ROS1: variants seen among roughly 807,000 people sequenced by gnomAD.
ROS1 encodes the protein ROS proto-oncogene 1, receptor tyrosine kinase.
In ROS1, 263 loss-of-function variants were observed where a neutral mutation model predicts 273.5. That is an observed-to-expected ratio of 0.96 (90% CI 0.87 to 1.06). ROS1 has a LOEUF of 1.06. ROS1 is among the 50% of genes least tolerant of loss of function. ROS1 has a pLI of 0.00. For synonymous variants in ROS1, 1,008 were observed against 954.1 expected (o/e 1.06, Z -1.04); for missense variants, 2,833 against 2,751.1 (o/e 1.03, Z -0.67).
intron 39 of ROS1, among the ~76,000 whole-genome samples, chr6:117,312,769 G>T (rs935918333): frequency 1.3e-5 from 2 of 152,096 alleles, no homozygotes; most frequent in African/African-American, 2.4e-5. Flanking sequence ...GACTCTAGAT[G>T]CTACTCTGGA....
At chr6:117,405,893 A>G (rs7770814) in intron 5 of ROS1, among the ~76,000 whole-genome samples, 72,272 of 152,032 alleles carry the variant, frequency 0.48, 18,440 homozygotes, top group African/African-American at 0.65. Context: ...TCTCACCTGT[A>G]AAATGAGGTT....
chr6:117,380,743 A>G (rs1049746742), intron 17 of ROS1, among the ~76,000 whole-genome samples: 21 of 152,072 alleles, frequency 1.4e-4, no homozygotes, highest in Non-Finnish European at 2.4e-4. Flanking sequence ...GGTACTCCAT[A>G]CCTTTTATAT....
chr6:117,383,631 A>G (rs1007806340), intron 16 of ROS1, 123 bp from the exon 17 acceptor site: 4 of 777,006 alleles, frequency 5.1e-6, no homozygotes, highest in Non-Finnish European at 8.6e-6. Context: ...ACAAATAGTG[A>G]TTGGCACTAT....
At chr6:117,405,049 T>G (rs1257132936) in intron 5 of ROS1, among the ~76,000 whole-genome samples, 2 of 152,206 alleles carry the variant, frequency 1.3e-5, no homozygotes, top group Non-Finnish European at 2.9e-5. Flanking sequence ...TTCTGAATGG[T>G]ATGTCACTGG....
At chr6:117,352,237 C>G (rs533605558) in intron 27 of ROS1, among the ~76,000 whole-genome samples, 39 of 152,268 alleles carry the variant, frequency 2.6e-4, no homozygotes, top group African/African-American at 8.4e-4. Context: ...CCTGCCACTA[C>G]GCTGGGCTAA....
rs756698985 is a variant in ROS1, at chr6:117,344,120, C to G, written c.4446G>C (p.Leu1482=). 1.2e-5 allele frequency: 20 copies of G among 1,613,736 alleles called. No individual in the cohort carries two copies. In the African/African-American group the frequency reaches 1.6e-4, roughly 13 times the overall value. Residue 1482 remains leucine (L), a synonymous_variant, in exon 28 of 44, where the codon CTG becomes CTC. Coordinates refer to ENST00000368507, the MANE Select transcript of ROS1 (RefSeq NM_001378902.1). ...YGITSPTPTY[L]VYYAEVNDRK... ...TGTCATTAACTTCTGCATAATAAACCAGGTATGTTGGAGTAGGGCTGGTGA... is the reference window on the plus strand; with the variant it reads ...TGTCATTAACTTCTGCATAATAAACGAGGTATGTTGGAGTAGGGCTGGTGA...
At chr6:117,397,162 A>G (rs1028416613) in intron 7 of ROS1, 46 bp from the exon 8 acceptor site, 1 of 1,252,584 alleles carries the variant, frequency 8.0e-7, no homozygotes, top group African/African-American at 1.5e-5. Context: ...ATGTGCAAGC[A>G]TGATGTTTTT....
At chr6:117,326,089 GATTATAT>G (rs1416672208) in intron 34 of ROS1, 128 bp downstream of exon 34, 4,700 of 166,532 alleles carry the variant, frequency 0.028, 63 homozygotes, top group African/African-American at 0.067. Context: ...TGGATAATAA[GATTATAT>G]ATATATATAT....
chr6:117,387,031 T>G (rs1251965935), intron 14 of ROS1, 32 bp from the exon 15 acceptor site: 15 of 1,277,050 alleles, frequency 1.2e-5, no homozygotes, highest in Non-Finnish European at 1.7e-5. Flanking sequence ...AAAAGAAACA[T>G]CAGGGAAAGC....
intron 24 of ROS1, 72 bp from the exon 25 acceptor site, chr6:117,358,081 A>G: frequency 9.9e-7 from 1 of 1,006,278 alleles, no homozygotes; most frequent in Non-Finnish European, 1.5e-6. Flanking sequence ...TTCTATATTC[A>G]CCCATATCAT....
Position 117,404,185 on chromosome 6 carries a change from C to T in ROS1, c.465+95G>A, listed in dbSNP as rs548127334. 1,598 of 1,149,200 alleles carry T rather than the reference C, an allele frequency of 1.4e-3. 3 individuals carry two copies. Among genetic ancestry groups the T allele is most frequent in the Non-Finnish European group, 1.8e-3 (1,395 of 786,026 alleles). The allele number at this position is 1,149,200 out of a possible 1,614,324, so 71.2% of individuals were successfully genotyped here. On this transcript the variant is annotated intron_variant, in intron 6 of 43. Coordinates refer to ENST00000368507, the MANE Select transcript of ROS1 (RefSeq NM_001378902.1). Reference sequence around the variant, plus strand: ...GCAGTAAGCTGAGATCGCGCCACTGCACTCCAGCCTGGGCGACAGAGCGAG... The same window carrying T: ...GCAGTAAGCTGAGATCGCGCCACTGTACTCCAGCCTGGGCGACAGAGCGAG...
rs2128537387 is a variant in ROS1 at position 117,301,150 on chromosome 6, G to A, written c.6552-13C>T. 6.4e-7 allele frequency: 1 copy of A among 1,562,802 alleles called. No homozygotes were observed. Among genetic ancestry groups the A allele is most frequent in the South Asian group, 1.3e-5 (1 of 78,534 alleles). Reference sequence around the variant, plus strand: ...CATTAAATTCCACCTAAATATATGGGGAAAGATGGGAAAGTAAATAGCAAT... The same window carrying A: ...CATTAAATTCCACCTAAATATATGGAGAAAGATGGGAAAGTAAATAGCAAT... On this transcript the variant is annotated splice_polypyrimidine_tract_variant and intron_variant, in intron 42 of 43. Coordinates refer to ENST00000368507, the MANE Select transcript of ROS1 (RefSeq NM_001378902.1).
At position 117,310,300 on chromosome 6, in the gene ROS1, T is replaced by TTAA. The variant is rs2243387; in HGVS notation, c.6216-22_6216-20dup. 246,417 of 1,426,668 alleles carry TTAA rather than the reference T, an allele frequency of 0.17. 23,455 individuals are homozygous for TTAA. Among genetic ancestry groups the TTAA allele is most frequent in the East Asian group, 0.36 (14,772 of 40,950 alleles). 88.4% of individuals were successfully genotyped at this position (1,426,668 alleles called of 1,614,324 possible). ...CAGATCCCTGTGGCAGAAGTTATAT[T>TTAA]TAATAATAATAATAATAACAACAAT... On this transcript the variant is annotated intron_variant, in intron 40 of 43. Coordinates refer to ENST00000368507, the MANE Select transcript of ROS1 (RefSeq NM_001378902.1).
At chr6:117,394,547 T>C (rs1485482158) in intron 10 of ROS1, 69 bp downstream of exon 10, 4 of 1,354,202 alleles carry the variant, frequency 3.0e-6, no homozygotes, top group Non-Finnish European at 3.9e-6. Context: ...AATTTTCTTT[T>C]ATTCTAGAAG....
intron 26 of ROS1, among the ~76,000 whole-genome samples, chr6:117,355,226 G>T (rs1779209843): frequency 6.6e-6 from 1 of 152,212 alleles, no homozygotes; most frequent in African/African-American, 2.4e-5. Context: ...TCAAAGAAAA[G>T]GTCTTTGTCA....
At chr6:117,322,138 A>G (rs1361369125) in intron 35 of ROS1, among the ~76,000 whole-genome samples, 1 of 152,160 alleles carries the variant, frequency 6.6e-6, no homozygotes, top group Non-Finnish European at 1.5e-5. Flanking sequence ...TTAAAATTTG[A>G]ACTTAATTTC....
At chr6:117,384,588 T>C (rs566032876) in intron 16 of ROS1, among the ~76,000 whole-genome samples, 1 of 152,326 alleles carries the variant, frequency 6.6e-6, no homozygotes, top group South Asian at 2.1e-4. Flanking sequence ...TTCAATACCT[T>C]ATTTCTTGAT....
rs774189430 is a variant in ROS1 at position 117,379,165 on chromosome 6, T to TA, written c.2482-7dup. On this transcript the variant is annotated splice_region_variant and splice_polypyrimidine_tract_variant and intron_variant, in intron 17 of 43. Coordinates refer to ENST00000368507, the MANE Select transcript of ROS1 (RefSeq NM_001378902.1). ...TCTAAAGTTAGAGCAATTACCTAAGTAGAAAGTAAGGTAAGAAAATAAACC... is the reference window on the plus strand; with the variant it reads ...TCTAAAGTTAGAGCAATTACCTAAGTAAGAAAGTAAGGTAAGAAAATAAACC... The TA allele has an allele frequency of 1.3e-6, 2 of 1,585,040 alleles. No individual in the cohort carries two copies. Among genetic ancestry groups the TA allele is most frequent in the African/African-American group, 2.7e-5 (2 of 74,268 alleles).
At chr6:117,306,143 G>A (rs972437825) in intron 42 of ROS1, among the ~76,000 whole-genome samples, 1 of 148,734 alleles carries the variant, frequency 6.7e-6, no homozygotes, top group African/African-American at 2.5e-5. Context: ...TTCAATACAT[G>A]AAAACGTCAT....
Sources: allele counts gnomAD v4.1 joint callset (sites outside exome capture counted in the v4.1 genomes callset), GRCh38; gene constraint gnomAD v4.1.1; transcripts MANE v1.5; gene names NCBI Gene and HGNC (gene_info 2026-07-23, HGNC 2026-07-21).